The following RPS6 variants were observed in gnomAD, a reference collection of about 807,000 sequenced individuals.
The protein encoded by RPS6 is ribosomal protein S6, also known as small ribosomal subunit protein eS6.
RPS6 carries 1 observed loss-of-function variant against 27.1 expected under a neutral mutation model. That is an observed-to-expected ratio of 0.04 (90% CI 0.01 to 0.18). The LOEUF (loss-of-function observed/expected upper bound fraction) is 0.18, where lower values mean the gene tolerates loss of function less well. Ranked by LOEUF, RPS6 falls within the 10% of genes least tolerant of loss-of-function variation. The pLI is 1.00. For missense variants in RPS6, 259 were observed against 319.1 expected (o/e 0.81, Z 1.44); for synonymous variants, 152 against 106.0 (o/e 1.43, Z -2.66).
In RPS6 at chr9:19,380,221, G is replaced by A. The variant is rs144218100; in HGVS notation, c.-26C>T. 149 of 1,613,188 alleles carry A rather than the reference G, an allele frequency of 9.2e-5. No individual in the cohort carries two copies. In the South Asian group the frequency reaches 1.4e-3, roughly 15 times the overall value. ...CTTGAAGCAGCTGAACGCCTCCGAG[G>A]CGCCACGGAAAAGAGGGCCAACTTC... is the stretch of plus-strand genomic sequence containing the variant. On this transcript the variant is annotated 5_prime_UTR_variant, in exon 1 of 6. Transcript: ENST00000380394.
intron 4 of RPS6, 47 bp downstream of exon 4, chr9:19,378,321 A>G: frequency 1.3e-6 from 2 of 1,592,826 alleles, no homozygotes; most frequent in Non-Finnish European, 1.7e-6. Context: ...AAAATGATAG[A>G]CAAATTACCA....
chr9:19,376,431 TAAA>T lies in RPS6; in HGVS notation c.655-46_655-44del, dbSNP rs768803403. Reference sequence around the variant, plus strand: ...GCAAACAGTTAAGGCCTTTCTGGGTTAAAGACGCAAATCCAAAGCCAGGTCGAA... The same window carrying T: ...GCAAACAGTTAAGGCCTTTCTGGGTTGACGCAAATCCAAAGCCAGGTCGAA... On this transcript the variant is annotated intron_variant, in intron 5 of 5. Transcript: ENST00000380394. The T allele has an allele frequency of 4.6e-5, 74 of 1,612,904 alleles. No homozygotes were observed. In the Middle Eastern group the frequency reaches 6.6e-4, roughly 14 times the overall value.
At chr9:19,378,103 G>GTCAGGTTATTT (rs1467324164) in intron 4 of RPS6, among the ~76,000 whole-genome samples, 1 of 152,134 alleles carries the variant, frequency 6.6e-6, no homozygotes, top group Non-Finnish European at 1.5e-5. Context: ...TGACCTTAAA[G>GTCAGGTTATTT]TCAGGTTATT....
intron 2 of RPS6, 95 bp from the exon 3 acceptor site, chr9:19,379,013 A>C (rs2132428039): frequency 2.5e-6 from 3 of 1,204,568 alleles, no homozygotes; most frequent in African/African-American, 1.5e-5. Flanking sequence ...CTATATGAGA[A>C]AGTATAATTA....
intron 2 of RPS6, 50 bp downstream of exon 2, chr9:19,379,437 G>C: frequency 6.2e-7 from 1 of 1,610,220 alleles, no homozygotes; most frequent in Non-Finnish European, 8.5e-7. Context: ...GTTACCAATG[G>C]CGTTTACCGT....
chr9:19,379,340 C>A (rs1369659578), intron 2 of RPS6, 147 bp downstream of exon 2: 2 of 1,540,746 alleles, frequency 1.3e-6, no homozygotes, highest in Admixed American at 2.0e-5. Flanking sequence ...CAAGGTAATA[C>A]CTCTAACTTT....
At chr9:19,378,669 A>C (rs1200989116) in intron 3 of RPS6, 39 bp downstream of exon 3, 11 of 1,606,050 alleles carry the variant, frequency 6.8e-6, no homozygotes, top group Admixed American at 5.0e-5. Flanking sequence ...ACTGGCTTTA[A>C]ATCAATTTCA....
At chr9:19,379,854 G>C (rs922906621) in intron 1 of RPS6, 4 of 1,424,028 alleles carry the variant, frequency 2.8e-6, no homozygotes, top group Non-Finnish European at 3.7e-6. Flanking sequence ...CTGGGGGCGA[G>C]GGCACTCCGC....
intron 1 of RPS6, 153 bp downstream of exon 1, chr9:19,380,037 G>C (rs1276800417): frequency 1.0e-5 from 16 of 1,558,184 alleles, no homozygotes; most frequent in South Asian, 1.2e-5. Flanking sequence ...CGGCCAAAAA[G>C]CTCCATGCCC....
intron 4 of RPS6, among the ~76,000 whole-genome samples, chr9:19,377,337 T>A (rs1406998208): frequency 1.3e-5 from 2 of 151,640 alleles, no homozygotes; most frequent in African/African-American, 4.9e-5. Context: ...GCTTGTATTA[T>A]ACGGATTATT....
intron 1 of RPS6, 123 bp from the exon 2 acceptor site, chr9:19,379,741 T>C (rs1829648518): frequency 6.6e-7 from 1 of 1,504,718 alleles, no homozygotes; most frequent in Non-Finnish European, 8.8e-7. Flanking sequence ...GCAGGAAATA[T>C]AAGATGCCGA....
At chr9:19,377,214 T>C (rs1829603282) in intron 4 of RPS6, among the ~76,000 whole-genome samples, 1 of 152,216 alleles carries the variant, frequency 6.6e-6, no homozygotes, top group African/African-American at 2.4e-5. Flanking sequence ...ATGGACACTT[T>C]GTAGGAGTTA....
chr9:19,378,405 G>A lies in RPS6; in HGVS notation c.459C>T (p.Val153=). The change falls in exon 4 of 6, where the codon GTC becomes GTT. Residue 153 remains valine, a synonymous_variant. Transcript: ENST00000380394. ...KLFNLSKEDD[V]RQYVVRKPLN... ...AGGGCTTTCTTACAACATACTGGCG[G>A]ACATCATCTTCTTTAGAGAGATTGA... 1 of 1,613,244 alleles carries A rather than the reference G, an allele frequency of 6.2e-7. No homozygotes were observed. Among genetic ancestry groups the A allele is most frequent in the Non-Finnish European group, 8.5e-7 (1 of 1,179,996 alleles).
In RPS6 at chr9:19,375,772, A is replaced by G. The variant is rs1392913653; in HGVS notation, c.*521T>C. ...TTCCTTTTCAGTGTGTGAACAGCCT[A>G]ACAATTCACTGGAGTTGAAAAGCTT... On this transcript the variant is annotated 3_prime_UTR_variant, in exon 6 of 6. Coordinates refer to ENST00000380394, the MANE Select transcript of RPS6 (RefSeq NM_001010.3). The G allele has an allele frequency of 1.3e-5, 2 of 152,574 alleles. No homozygotes were observed. The highest frequency in any genetic ancestry group is 3.8e-4 in the East Asian group (2 of 5,196). The allele number at this position is 152,574 out of a possible 1,614,324, so 9.5% of individuals were successfully genotyped here.
At chr9:19,377,391 G>GTTT (rs1364475188) in intron 4 of RPS6, among the ~76,000 whole-genome samples, 1 of 128,196 alleles carries the variant, frequency 7.8e-6, no homozygotes, top group African/African-American at 3.7e-5. Flanking sequence ...TTTGTCAATT[G>GTTT]CTTTTTTTTT....
intron 4 of RPS6, among the ~76,000 whole-genome samples, chr9:19,378,040 G>A (rs1019782750): frequency 6.6e-6 from 1 of 152,128 alleles, no homozygotes; most frequent in Non-Finnish European, 1.5e-5. Context: ...CAAAGTGTGT[G>A]GTGCTAATAG....
Position 19,378,829 on chromosome 9 carries a change from T to C in RPS6, c.228A>G (p.Leu76=). The change falls in exon 3 of 6, where the codon CTA becomes CTG. Residue 76 remains leucine, a synonymous_variant. Transcript: ENST00000380394. ...TGTAACAGGAATGCCCCTTACTCAG[T>C]AGCAGGCGGACACGGCCATGGGTCA... is the stretch of plus-strand genomic sequence containing the variant. ...GVLTHGRVRL[L]LSKGHSCYRP... The C allele has an allele frequency of 1.9e-6, 3 of 1,614,224 alleles. No homozygotes were observed. The highest frequency in any genetic ancestry group is 2.2e-5 in the East Asian group (1 of 44,886).
intron 1 of RPS6, chr9:19,379,987 G>T: frequency 6.9e-7 from 1 of 1,455,388 alleles, no homozygotes. Context: ...TGGCGCTCCC[G>T]GCCCGCCGCG....
intron 1 of RPS6, 135 bp from the exon 2 acceptor site, chr9:19,379,753 T>C (rs368144672): frequency 1.3e-6 from 2 of 1,494,666 alleles, no homozygotes; most frequent in Non-Finnish European, 1.8e-6. Context: ...AGATGCCGAC[T>C]GTACTCACTA....
Sources: allele counts gnomAD v4.1 joint callset (sites outside exome capture counted in the v4.1 genomes callset), GRCh38; gene constraint gnomAD v4.1.1; transcripts MANE v1.5; gene names NCBI Gene and HGNC (gene_info 2026-07-23, HGNC 2026-07-21).